The following RARB variants were observed in gnomAD, a reference collection of about 807,000 sequenced individuals.
RARB encodes retinoic acid receptor beta.
In RARB, 17 loss-of-function variants were observed where a neutral mutation model predicts 51.9. That is an observed-to-expected ratio of 0.33 (90% CI 0.22 to 0.49). The LOEUF is 0.49. Among genes scored for constraint, RARB ranks in the 20% least tolerant of loss-of-function variants. The probability of loss-of-function intolerance (pLI) is 0.99; values close to 1 mark genes in which losing one functional copy is unlikely to be tolerated. For synonymous variants in RARB, 215 were observed against 195.4 expected (o/e 1.10, Z -0.84); for missense variants, 369 against 550.8 (o/e 0.67, Z 3.30).
chr3:25,082,054 G>A (rs549775842), intron 3 of RARB, among the ~76,000 whole-genome samples: 4 of 152,114 alleles, frequency 2.6e-5, no homozygotes, highest in African/African-American at 9.6e-5. Context: ...AGTCTACCTT[G>A]CTGACATTTA....
chr3:25,238,152 C>CG (rs1313364064), intron 5 of RARB, among the ~76,000 whole-genome samples: 4 of 148,904 alleles, frequency 2.7e-5, no homozygotes, highest in South Asian at 2.1e-4. Flanking sequence ...CCTCCAGCGC[C>CG]CCCCCACACA....
intron 1 of RARB, among the ~76,000 whole-genome samples, chr3:24,830,457 C>G (rs992491893): frequency 2.2e-4 from 9 of 40,228 alleles, no homozygotes; most frequent in Non-Finnish European, 3.5e-4. Flanking sequence ...GCGCGCGCGC[C>G]GTGGCTAAGG....
intron 3 of RARB, among the ~76,000 whole-genome samples, chr3:25,087,352 G>A (rs538748954): frequency 2.0e-5 from 3 of 152,052 alleles, no homozygotes; most frequent in Non-Finnish European, 4.4e-5. Flanking sequence ...CTCAGGTTTT[G>A]AAGGATATAT....
intron 2 of RARB, among the ~76,000 whole-genome samples, chr3:24,913,758 G>A (rs751302234): frequency 3.3e-5 from 5 of 152,226 alleles, no homozygotes; most frequent in South Asian, 2.1e-4. Context: ...TATTTTGAAC[G>A]TTTTTGGGGA....
chr3:25,322,138 A>C (rs961836898), intron 5 of RARB, among the ~76,000 whole-genome samples: 1 of 151,312 alleles, frequency 6.6e-6, no homozygotes, highest in African/African-American at 2.4e-5. Context: ...GGTATTCCCA[A>C]ATACGTATGG....
chr3:25,265,941 T>C (rs1703115062), intron 5 of RARB, among the ~76,000 whole-genome samples: 1 of 152,164 alleles, frequency 6.6e-6, no homozygotes, highest in Non-Finnish European at 1.5e-5. Context: ...CATTGGCTCA[T>C]GGCCCCAATT....
chr3:24,899,315 T>G (rs961360480), intron 2 of RARB, among the ~76,000 whole-genome samples: 2 of 152,126 alleles, frequency 1.3e-5, no homozygotes, highest in African/African-American at 4.8e-5. Context: ...TCCAGGTGAT[T>G]CTGTGGCGTA....
At chr3:25,137,633 C>G (rs1237160736) in intron 4 of RARB, among the ~76,000 whole-genome samples, 1 of 152,046 alleles carries the variant, frequency 6.6e-6, no homozygotes, top group Non-Finnish European at 1.5e-5. Flanking sequence ...CTGTAATTCT[C>G]AATTTCTAGT....
chr3:25,362,989 T>C (rs1208314990), intron 5 of RARB, among the ~76,000 whole-genome samples: 2 of 152,086 alleles, frequency 1.3e-5, no homozygotes, highest in African/African-American at 4.8e-5. Flanking sequence ...GTTATTACTT[T>C]CAATCGATTT....
At chr3:25,507,844 G>A (rs1337613390) in intron 3 of RARB, among the ~76,000 whole-genome samples, 1 of 152,160 alleles carries the variant, frequency 6.6e-6, no homozygotes, top group Non-Finnish European at 1.5e-5. Context: ...GGATGCCCCT[G>A]AGGTTAGGCT....
chr3:25,317,771 A>G (rs925762406), intron 5 of RARB, among the ~76,000 whole-genome samples: 3 of 152,222 alleles, frequency 2.0e-5, no homozygotes, highest in Non-Finnish European at 4.4e-5. Context: ...CATCTCAACT[A>G]TTAGTAAAAG....
chr3:25,023,240 G>A (rs1697675437), intron 2 of RARB, among the ~76,000 whole-genome samples: 1 of 152,070 alleles, frequency 6.6e-6, no homozygotes, highest in South Asian at 2.1e-4. Context: ...CTTGGGTACA[G>A]GATTATACTC....
chr3:25,344,996 T>G (rs1705345673), intron 5 of RARB, among the ~76,000 whole-genome samples: 1 of 152,232 alleles, frequency 6.6e-6, no homozygotes, highest in South Asian at 2.1e-4. Context: ...TTCTTTTTTC[T>G]CTTTATGCTT....
chr3:25,017,409 C>T (rs1697536583), intron 2 of RARB, among the ~76,000 whole-genome samples: 1 of 151,760 alleles, frequency 6.6e-6, no homozygotes, highest in Middle Eastern at 3.4e-3. Context: ...AGATTTTTCC[C>T]ATTTTGATGA....
At chr3:25,247,570 G>A (rs1702595257) in intron 5 of RARB, among the ~76,000 whole-genome samples, 1 of 152,160 alleles carries the variant, frequency 6.6e-6, no homozygotes. Flanking sequence ...CTTGTCGAGG[G>A]GAGGGAGTTC....
intron 3 of RARB, among the ~76,000 whole-genome samples, chr3:25,515,918 G>A (rs1042019573): frequency 1.3e-5 from 2 of 152,194 alleles, no homozygotes; most frequent in African/African-American, 4.8e-5. Flanking sequence ...TTCTTCCTGT[G>A]CATAGAGAAA....
At chr3:25,563,293 T>A (rs1412632660) in intron 3 of RARB, among the ~76,000 whole-genome samples, 1 of 152,216 alleles carries the variant, frequency 6.6e-6, no homozygotes, top group Non-Finnish European at 1.5e-5. Flanking sequence ...GGAAATGGAA[T>A]AACTTGATTC....
intron 2 of RARB, among the ~76,000 whole-genome samples, chr3:25,007,939 T>C (rs1215752580): frequency 6.6e-6 from 1 of 152,146 alleles, no homozygotes; most frequent in East Asian, 1.9e-4. Flanking sequence ...TGAGCGTTGA[T>C]ACTATGATGA....
At chr3:25,416,586 T>A (rs1707710306) in intron 5 of RARB, among the ~76,000 whole-genome samples, 1 of 152,256 alleles carries the variant, frequency 6.6e-6, no homozygotes, top group African/African-American at 2.4e-5. Flanking sequence ...GTAAATATTT[T>A]CAGCTTTGTG....
Sources: allele counts gnomAD v4.1 joint callset (sites outside exome capture counted in the v4.1 genomes callset), GRCh38; gene constraint gnomAD v4.1.1; transcripts MANE v1.5; gene names NCBI Gene and HGNC (gene_info 2026-07-23, HGNC 2026-07-21).